CCDC158: variants seen among roughly 807,000 people sequenced by gnomAD.
CCDC158 encodes coiled-coil domain containing 158.
A neutral mutation model predicts 138.6 loss-of-function variants in CCDC158; 116 were observed. The ratio of observed to expected loss-of-function variants is 0.84; its 90% CI spans 0.72 to 0.98. The LOEUF is 0.98. CCDC158 is among the 50% of genes least tolerant of loss of function. The pLI is 0.00. For missense variants in CCDC158, 1,265 were observed against 1,306.1 expected (o/e 0.97, Z 0.48); for synonymous variants, 436 against 442.4 (o/e 0.99, Z 0.18).
chr4:76,369,642 G>C lies in CCDC158; in HGVS notation c.1150-19C>G. The C allele has an allele frequency of 6.3e-7, 1 of 1,578,346 alleles. No individual in the cohort carries two copies. The highest frequency in any genetic ancestry group is 8.7e-7 in the Non-Finnish European group (1 of 1,152,828). Reference sequence around the variant, plus strand: ...GATCAGCCTAAAAAAAGAGAGGAATGCTTTTTTCCTCCCTGCTATTAAATA... The same window carrying C: ...GATCAGCCTAAAAAAAGAGAGGAATCCTTTTTTCCTCCCTGCTATTAAATA... On this transcript the variant is annotated intron_variant, in intron 10 of 24. Coordinates refer to ENST00000682701, the MANE Select transcript of CCDC158 (RefSeq NM_001394954.1).
chr4:76,366,171 C>G (rs1214410045), intron 12 of CCDC158, among the ~76,000 whole-genome samples: 2 of 152,178 alleles, frequency 1.3e-5, no homozygotes, highest in African/African-American at 2.4e-5. Context: ...CTGCATCACA[C>G]CTGTTCTAAG....
At position 76,384,153 on chromosome 4, in the gene CCDC158, C is replaced by T; in HGVS notation, c.661G>A (p.Ala221Thr). Reference sequence around the variant, plus strand: ...AATTCTCTTAGTATTTTACTAATAGCTGAGCCCAAGCTGCGGAAGTGCAGA... The same window carrying T: ...AATTCTCTTAGTATTTTACTAATAGTTGAGCCCAAGCTGCGGAAGTGCAGA... ...STLHFRSLGS[A>T]ISKILRELDT... The change falls in exon 6 of 25, where the codon GCT (alanine) becomes ACT (threonine). Residue 221 changes from alanine to threonine, a missense_variant. Ala to Thr is a moderately conservative substitution (Grantham distance 58). Transcript: ENST00000682701. 1 of 1,613,986 alleles carries T rather than the reference C, an allele frequency of 6.2e-7. No homozygotes were observed. Among genetic ancestry groups the T allele is most frequent in the Non-Finnish European group, 8.5e-7 (1 of 1,179,960 alleles).
chr4:76,341,909 T>C (rs1722085601), intron 18 of CCDC158, among the ~76,000 whole-genome samples: 1 of 152,222 alleles, frequency 6.6e-6, no homozygotes, highest in Non-Finnish European at 1.5e-5. Context: ...TGAAATACAA[T>C]AATAGTTCAT....
intron 22 of CCDC158, 27 bp from the exon 23 acceptor site, chr4:76,326,042 AAGGACAG>A (rs1387691133): frequency 6.3e-7 from 1 of 1,591,990 alleles, no homozygotes; most frequent in Non-Finnish European, 8.6e-7. Flanking sequence ...ATAAAAGTAA[AAGGACAG>A]AATTAATTAA....
intron 18 of CCDC158, among the ~76,000 whole-genome samples, chr4:76,348,540 A>G (rs1299500535): frequency 6.6e-6 from 1 of 152,100 alleles, no homozygotes; most frequent in Non-Finnish European, 1.5e-5. Flanking sequence ...TTAGGTTTCA[A>G]CATATGAATC....
chr4:76,364,174 C>T (rs1275738066), intron 12 of CCDC158, among the ~76,000 whole-genome samples: 1 of 152,200 alleles, frequency 6.6e-6, no homozygotes, highest in Non-Finnish European at 1.5e-5. Context: ...TGTTGCCAGT[C>T]TAAGTTTGAA....
intron 12 of CCDC158, among the ~76,000 whole-genome samples, chr4:76,364,040 A>T (rs1357267822): frequency 6.6e-6 from 1 of 152,138 alleles, no homozygotes; most frequent in Non-Finnish European, 1.5e-5. Flanking sequence ...GTTTCCAACT[A>T]ACTGTCAGAA....
At chr4:76,418,226 C>T (rs566225691) in intron 1 of CCDC158, among the ~76,000 whole-genome samples, 1 of 152,294 alleles carries the variant, frequency 6.6e-6, no homozygotes, top group African/African-American at 2.4e-5. Flanking sequence ...TAAAACCCAA[C>T]TCTGAAGTAG....
At chr4:76,314,717 G>A (rs1248999901) in intron 24 of CCDC158, among the ~76,000 whole-genome samples, 1 of 152,156 alleles carries the variant, frequency 6.6e-6, no homozygotes, top group Non-Finnish European at 1.5e-5. Context: ...GAGCCTTGGA[G>A]GCATTCCCAT....
At position 76,418,763 on chromosome 4, in the gene CCDC158, C is replaced by T. The variant is rs201516149; in HGVS notation, c.-117+2202G>A. Among the ~76,000 whole-genome samples, 10 of 152,260 alleles carry T rather than the reference C, an allele frequency of 6.6e-5. No individual in the cohort carries two copies. The East Asian group carries it at 1.9e-3, about 29-fold the overall frequency. On this transcript the variant is annotated intron_variant, in intron 1 of 24. Transcript: ENST00000682701. ...TCCACTGGGTCCCTCCCGCAACACACGGGAATTGTGGGAGCTACAATCCAA... is the reference window on the plus strand; with the variant it reads ...TCCACTGGGTCCCTCCCGCAACACATGGGAATTGTGGGAGCTACAATCCAA...
chr4:76,372,337 TG>T (rs1409161338), intron 9 of CCDC158, among the ~76,000 whole-genome samples: 1 of 152,058 alleles, frequency 6.6e-6, no homozygotes, highest in Non-Finnish European at 1.5e-5. Context: ...CCCAGCTACT[TG>T]GGAGGCTGAA....
intron 9 of CCDC158, among the ~76,000 whole-genome samples, chr4:76,374,825 G>A (rs1725569326): frequency 6.6e-6 from 1 of 150,824 alleles, no homozygotes; most frequent in Admixed American, 6.6e-5. Context: ...AAAACTTCTG[G>A]ATAATCATTT....
chr4:76,351,891 T>C, intron 16 of CCDC158, 79 bp from the exon 17 acceptor site: 3 of 813,092 alleles, frequency 3.7e-6, no homozygotes, highest in Non-Finnish European at 4.1e-6. Flanking sequence ...AATGCAGAGC[T>C]GCCATCTCTT....
intron 10 of CCDC158, among the ~76,000 whole-genome samples, chr4:76,370,771 C>T (rs1441324877): frequency 1.3e-5 from 2 of 152,086 alleles, no homozygotes; most frequent in Admixed American, 6.5e-5. Context: ...AAGAATTATG[C>T]CAAGATTAAG....
intron 4 of CCDC158, among the ~76,000 whole-genome samples, chr4:76,384,916 C>A (rs1726645299): frequency 6.6e-6 from 1 of 152,198 alleles, no homozygotes; most frequent in Non-Finnish European, 1.5e-5. Context: ...TAAAACAAAT[C>A]TTACTTCCAG....
At chr4:76,326,911 A>G (rs1467778480) in intron 22 of CCDC158, among the ~76,000 whole-genome samples, 2 of 152,202 alleles carry the variant, frequency 1.3e-5, no homozygotes, top group Non-Finnish European at 2.9e-5. Flanking sequence ...ATGATACCAG[A>G]AAGTTAAGTG....
At position 76,362,166 on chromosome 4, in the gene CCDC158, A is replaced by G; in HGVS notation, c.1980T>C (p.Asn660=). The change falls in exon 13 of 25, where the codon AAT becomes AAC. Residue 660 remains asparagine, a synonymous_variant. Coordinates refer to ENST00000682701, the MANE Select transcript of CCDC158 (RefSeq NM_001394954.1). ...DIKQERDQLL[N]EVKTSRSELN... ...ATTCACTCCTACTTGTTTTCACCTC[A>G]TTTAATAATTGATCTCTCTCTTGTT... 6.2e-7 allele frequency: 1 copy of G among 1,613,952 alleles called. No homozygotes were observed. The highest frequency in any genetic ancestry group is 8.5e-7 in the Non-Finnish European group (1 of 1,179,982).
At chr4:76,334,966 T>A (rs574036329) in intron 18 of CCDC158, among the ~76,000 whole-genome samples, 1 of 152,144 alleles carries the variant, frequency 6.6e-6, no homozygotes, top group African/African-American at 2.4e-5. Context: ...ATAATATAAT[T>A]CTCATATTCT....
rs942863652 is a variant in CCDC158, at chr4:76,367,915, A to G, written c.1348-139T>C. On this transcript the variant is annotated intron_variant, in intron 11 of 24. Transcript: ENST00000682701. ...AGATCTTTTTTTTTTTTTTTAAGAGATGGGGGTCTCACTGTGTTCCCTAGG... is the reference window on the plus strand; with the variant it reads ...AGATCTTTTTTTTTTTTTTTAAGAGGTGGGGGTCTCACTGTGTTCCCTAGG... 19 of 792,264 alleles carry G rather than the reference A, an allele frequency of 2.4e-5. No individual in the cohort carries two copies. In the African/African-American group the frequency reaches 2.9e-4, roughly 12 times the overall value. 49.1% of individuals were successfully genotyped at this position (792,264 alleles called of 1,614,324 possible). A position where few individuals can be genotyped will look rare whatever the true frequency, so the allele number is the denominator to read the frequency against.
Sources: gnomAD v4.1 joint callset for allele counts (sites outside exome capture counted in the v4.1 genomes callset) on GRCh38, gnomAD v4.1.1 for gene constraint, MANE v1.5 for transcripts, NCBI Gene and HGNC (gene_info 2026-07-23, HGNC 2026-07-21) for gene names.